The following ABCA13 variants were observed in gnomAD, a reference collection of about 807,000 sequenced individuals.
ABCA13 encodes the protein ATP binding cassette subfamily A member 13, also known as ATP-binding cassette sub-family A member 13.
In ABCA13, 476 loss-of-function variants were observed where a neutral mutation model predicts 478.7. The ratio of observed to expected loss-of-function variants is 0.99; its 90% CI spans 0.92 to 1.07. ABCA13 has a LOEUF of 1.07. Ranked by LOEUF, ABCA13 falls within the 50% of genes least tolerant of loss-of-function variation. The pLI is 0.00. For missense variants in ABCA13, 6,060 were observed against 5,910.6 expected (o/e 1.03, Z -0.83); for synonymous variants, 2,252 against 2,158.9 (o/e 1.04, Z -1.20).
intron 42 of ABCA13, among the ~76,000 whole-genome samples, chr7:48,443,115 C>T (rs922155203): frequency 1.3e-5 from 2 of 152,180 alleles, no homozygotes; most frequent in African/African-American, 2.4e-5. Flanking sequence ...AAGCCGTCGG[C>T]AAACCAAGGA....
intron 28 of ABCA13, among the ~76,000 whole-genome samples, chr7:48,336,497 T>C (rs1806287144): frequency 6.6e-6 from 1 of 152,098 alleles, no homozygotes; most frequent in Non-Finnish European, 1.5e-5. Context: ...AGCATCCTGG[T>C]GGGCCCTGCA....
intron 41 of ABCA13, among the ~76,000 whole-genome samples, chr7:48,416,089 T>C (rs1462582517): frequency 1.3e-5 from 2 of 152,210 alleles, no homozygotes; most frequent in African/African-American, 4.8e-5. Flanking sequence ...AGCTGTGCTG[T>C]TTCATGTTTG....
At chr7:48,484,633 G>A (rs2130602066) in intron 47 of ABCA13, among the ~76,000 whole-genome samples, 1 of 152,292 alleles carries the variant, frequency 6.6e-6, no homozygotes, top group South Asian at 2.1e-4. Context: ...GGGGATTTGT[G>A]TGTTCTCCTC....
At chr7:48,491,486 A>G (rs573477881) in intron 48 of ABCA13, among the ~76,000 whole-genome samples, 2 of 152,328 alleles carry the variant, frequency 1.3e-5, no homozygotes, top group East Asian at 3.9e-4. Flanking sequence ...AAGAAGTAGA[A>G]TGCAGACGTT....
At position 48,330,485 on chromosome 7, in the gene ABCA13, G is replaced by GTCCATCCATCCA. The variant is rs374882823; in HGVS notation, c.10000-4911_10000-4900dup. 3.9e-3 allele frequency among the ~76,000 whole-genome samples: 528 copies of GTCCATCCATCCA among 134,972 alleles called. 6 individuals carry two copies. The highest frequency in any genetic ancestry group is 0.028 in the Middle Eastern group (6 of 212). 88.5% of individuals were successfully genotyped at this position (134,972 alleles called of 152,430 possible). On this transcript the variant is annotated intron_variant, in intron 27 of 61. Coordinates refer to ENST00000435803, the MANE Select transcript of ABCA13 (RefSeq NM_152701.5). Reference sequence around the variant, plus strand: ...CATTCATCTGTTTGTCCATCCATCCGTCCATCCATCCATCCATCCATCCAT... The same window carrying GTCCATCCATCCA: ...CATTCATCTGTTTGTCCATCCATCCGTCCATCCATCCATCCATCCATCCATCCATCCATCCAT...
At chr7:48,476,969 A>C (rs1234060559) in intron 45 of ABCA13, among the ~76,000 whole-genome samples, 1 of 152,162 alleles carries the variant, frequency 6.6e-6, no homozygotes, top group Admixed American at 6.5e-5. Context: ...TTTGAGGCTA[A>C]ACTGCTAAGC....
chr7:48,192,363 G>T (rs1304973417), intron 1 of ABCA13, among the ~76,000 whole-genome samples: 7 of 152,026 alleles, frequency 4.6e-5, no homozygotes, highest in Admixed American at 2.0e-4. Context: ...TTAGTTTTAG[G>T]AGTTTATTCT....
chr7:48,350,665 T>C lies in ABCA13; in HGVS notation c.10227T>C (p.Phe3409=). Residue 3409 remains phenylalanine, a synonymous_variant, in exon 30 of 62, where the codon TTT becomes TTC. Transcript: ENST00000435803. ...CAGGAGGGCTGCTGGATGAGATGTT[T>C]AACCATGCAGGCGCTGGACGCTTCC... The part of the protein sequence containing the change: ...QTYGGLLDEM[F]NHAGAGRFRF... The C allele has an allele frequency of 6.2e-7, 1 of 1,613,724 alleles. No individual in the cohort carries two copies. Among genetic ancestry groups the C allele is most frequent in the East Asian group, 2.2e-5 (1 of 44,880 alleles).
chr7:48,197,673 TGTGTAA>T (rs1272598031), intron 2 of ABCA13, among the ~76,000 whole-genome samples: 1,901 of 152,292 alleles, frequency 0.012, 18 homozygotes, highest in Admixed American at 0.02. Flanking sequence ...TGGTTGGGGA[TGTGTAA>T]ACAGCACATT....
chr7:48,446,633 A>G (rs2129176330), intron 42 of ABCA13, among the ~76,000 whole-genome samples: 1 of 152,310 alleles, frequency 6.6e-6, no homozygotes, highest in South Asian at 2.1e-4. Flanking sequence ...TTCTATTTGC[A>G]CAGCCCATCC....
intron 61 of ABCA13, among the ~76,000 whole-genome samples, chr7:48,645,056 T>C (rs1795352000): frequency 6.6e-6 from 1 of 152,158 alleles, no homozygotes; most frequent in African/African-American, 2.4e-5. Context: ...ACAAGACTTT[T>C]CGGGGGGGCT....
intron 32 of ABCA13, among the ~76,000 whole-genome samples, chr7:48,368,970 A>C (rs1468866506): frequency 1.3e-5 from 2 of 151,926 alleles, no homozygotes; most frequent in African/African-American, 4.8e-5. Context: ...TCTTTAAGGA[A>C]TCTCCACACT....
intron 54 of ABCA13, among the ~76,000 whole-genome samples, chr7:48,527,381 C>G (rs1436075663): frequency 6.6e-6 from 1 of 152,088 alleles, no homozygotes; most frequent in Admixed American, 6.5e-5. Flanking sequence ...GAAGCAGTCA[C>G]TTTCCAAGAT....
chr7:48,425,977 G>T (rs1821367316), intron 41 of ABCA13, among the ~76,000 whole-genome samples: 1 of 152,022 alleles, frequency 6.6e-6, no homozygotes, highest in African/African-American at 2.4e-5. Flanking sequence ...TCCTGACCTC[G>T]TGATCCGCCC....
At chr7:48,263,316 A>G (rs1794442803) in intron 15 of ABCA13, among the ~76,000 whole-genome samples, 1 of 151,930 alleles carries the variant, frequency 6.6e-6, no homozygotes, top group Non-Finnish European at 1.5e-5. Flanking sequence ...AAACAACTAC[A>G]CATGATAAGT....
chr7:48,449,621 G>A (rs1279168884), intron 42 of ABCA13, among the ~76,000 whole-genome samples: 1 of 152,214 alleles, frequency 6.6e-6, no homozygotes, highest in Non-Finnish European at 1.5e-5. Flanking sequence ...AATGGTGTCT[G>A]CCTATTGAAT....
At chr7:48,440,046 G>A (rs1823371961) in intron 42 of ABCA13, among the ~76,000 whole-genome samples, 1 of 151,886 alleles carries the variant, frequency 6.6e-6, no homozygotes, top group Admixed American at 6.6e-5. Flanking sequence ...TTTTCTCTTT[G>A]GTAACAATGT....
chr7:48,353,454 C>G (rs959725803), intron 31 of ABCA13, among the ~76,000 whole-genome samples: 1 of 151,406 alleles, frequency 6.6e-6, no homozygotes, highest in Non-Finnish European at 1.5e-5. Context: ...CTGAAGGGAC[C>G]GGTTTGCGTG....
chr7:48,279,937 A>T lies in ABCA13; in HGVS notation c.8726+17A>T. 1 of 1,502,900 alleles carries T rather than the reference A, an allele frequency of 6.7e-7. No homozygotes were observed. Among genetic ancestry groups the T allele is most frequent in the Non-Finnish European group, 8.9e-7 (1 of 1,128,826 alleles). 93.1% of individuals were successfully genotyped at this position (1,502,900 alleles called of 1,614,324 possible). On this transcript the variant is annotated intron_variant, in intron 18 of 61. Transcript: ENST00000435803. ...AGATCAAAGGTAATTAAAAAGCTGA[A>T]TTCACTTTGTTTTTTTCTCTACCGC...
Sources: allele counts gnomAD v4.1 joint callset (sites outside exome capture counted in the v4.1 genomes callset), GRCh38; gene constraint gnomAD v4.1.1; transcripts MANE v1.5; gene names NCBI Gene and HGNC (gene_info 2026-07-23, HGNC 2026-07-21).